Variants in IFT172 observed in about 807,000 individuals in gnomAD.
The protein encoded by IFT172 is intraflagellar transport 172, also known as intraflagellar transport protein 172 homolog.
A neutral mutation model predicts 248.9 loss-of-function variants in IFT172; 164 were observed. The observed-to-expected ratio is 0.66, with a 90% confidence interval of 0.58 to 0.75. The LOEUF (loss-of-function observed/expected upper bound fraction) is 0.75, where lower values mean the gene tolerates loss of function less well. Ranked by LOEUF, IFT172 falls within the 30% of genes least tolerant of loss-of-function variation. The probability of loss-of-function intolerance (pLI) is 0.00; values close to 1 mark genes in which losing one functional copy is unlikely to be tolerated. For synonymous variants in IFT172, 729 were observed against 791.6 expected (o/e 0.92, Z 1.33); for missense variants, 1,950 against 2,192.4 (o/e 0.89, Z 2.21).
In IFT172 at chr2:27,485,406, T is replaced by C. The variant is rs1280850403; in HGVS notation, c.137A>G (p.His46Arg). 6 of 1,614,078 alleles carry C rather than the reference T, an allele frequency of 3.7e-6. No homozygotes were observed. Among genetic ancestry groups the C allele is most frequent in the Admixed American group, 3.3e-5 (2 of 60,012 alleles). The change falls in exon 2 of 48, where the codon CAT (histidine) becomes CGT (arginine). Residue 46 changes from histidine to arginine, a missense_variant. By Grantham distance (29) the His-to-Arg change is conservative (BLOSUM62 0). Coordinates refer to ENST00000260570, the MANE Select transcript of IFT172 (RefSeq NM_015662.3). ...VDRVVLLYDEHGERRDKFSTK... is the reference protein window; with the variant it reads ...VDRVVLLYDERGERRDKFSTK... ...GGAGAATTTATCTCTCCGTTCTCCA[T>C]GTTCATCATACAGCAAGACCACTCG...
chr2:27,445,171 A>C lies in IFT172; in HGVS notation c.5069-66T>G. On this transcript the variant is annotated intron_variant, in intron 46 of 47. Coordinates refer to ENST00000260570, the MANE Select transcript of IFT172 (RefSeq NM_015662.3). This position sits in a 1 kb window ranked among gnomAD's most constrained non-coding sequence, Gnocchi z 4.4. ...GATTGAGGAGGGAAAAATGAGGAGC[A>C]GCCTGGGGGGTAGAAAGCACAGTCC... The C allele has an allele frequency of 6.2e-7, 1 of 1,603,028 alleles. No individual in the cohort carries two copies. The highest frequency in any genetic ancestry group is 8.5e-7 in the Non-Finnish European group (1 of 1,173,152).
At chr2:27,488,105 C>T (rs1171289707) in intron 1 of IFT172, among the ~76,000 whole-genome samples, 1 of 152,046 alleles carries the variant, frequency 6.6e-6, no homozygotes, top group Non-Finnish European at 1.5e-5. Context: ...ACTTCAGTGA[C>T]CCCAGCAGCT....
intron 1 of IFT172, among the ~76,000 whole-genome samples, chr2:27,487,351 A>AT (rs1223295638): frequency 2.0e-5 from 3 of 152,112 alleles, no homozygotes; most frequent in African/African-American, 4.8e-5. Flanking sequence ...ACCTCACTAG[A>AT]TTTTTTTATT....
intron 47 of IFT172, 63 bp from the exon 48 acceptor site, chr2:27,444,584 A>G: frequency 7.6e-7 from 1 of 1,307,992 alleles, no homozygotes; most frequent in South Asian, 1.2e-5. Context: ...AATCAGCTCC[A>G]TCGCAGGCTT....
Position 27,445,439 on chromosome 2 carries a change from C to T in IFT172, c.4925G>A (p.Arg1642Lys). The T allele has an allele frequency of 6.2e-7, 1 of 1,610,582 alleles. No individual in the cohort carries two copies. The highest frequency in any genetic ancestry group is 8.5e-7 in the Non-Finnish European group (1 of 1,178,584). The change falls in exon 46 of 48, where the codon AGA becomes AAA. Residue 1642 changes from arginine to lysine, a missense_variant. Arg to Lys is a conservative substitution (Grantham distance 26, BLOSUM62 2). Around this residue, in one of 3 missense-constraint regions of IFT172, gnomAD observed 620 missense variants for 699.0 expected, o/e 0.89. Transcript: ENST00000260570. The surrounding 1 kb of genome is among the most constrained non-coding windows in gnomAD (Gnocchi z 4.4). ...AAGCACCCAGTCTCGAACCTCTTCT[C>T]TCTCAGCCTCCTGGAAAGGACAAGA... ...PAKQHVPEAE[R>K]EEVRDWVLTV...
At position 27,462,698 on chromosome 2, in the gene IFT172, TA is replaced by T. The variant is rs765207471; in HGVS notation, c.2115+2del. ...TTCCATCCTGTCCCTCTTTTCCTATTACCTGTTCCAAAAAGATCATTTCAGC... is the reference window on the plus strand; with the variant it reads ...TTCCATCCTGTCCCTCTTTTCCTATTCCTGTTCCAAAAAGATCATTTCAGC... On this transcript the variant is annotated splice_donor_variant, in intron 20 of 47. Coordinates refer to ENST00000260570, the MANE Select transcript of IFT172 (RefSeq NM_015662.3). LOFTEE classifies it high-confidence loss of function. The T allele has an allele frequency of 6.2e-7, 1 of 1,612,412 alleles. No individual in the cohort carries two copies. The highest frequency in any genetic ancestry group is 8.5e-7 in the Non-Finnish European group (1 of 1,178,502).
intron 35 of IFT172, among the ~76,000 whole-genome samples, chr2:27,452,078 G>T (rs532218023): frequency 2.0e-5 from 3 of 152,064 alleles, no homozygotes; most frequent in Admixed American, 2.0e-4. Context: ...ATTATTCTGG[G>T]TGTTTCTATA....
chr2:27,478,504 T>C (rs1019402960), intron 10 of IFT172, among the ~76,000 whole-genome samples: 1 of 152,204 alleles, frequency 6.6e-6, no homozygotes, highest in Non-Finnish European at 1.5e-5. Context: ...TGACAGGGTC[T>C]CAGTATGTTG....
At chr2:27,449,126 A>G in intron 39 of IFT172, 95 bp from the exon 40 acceptor site, 7 of 1,068,980 alleles carry the variant, frequency 6.5e-6, no homozygotes, top group Non-Finnish European at 1.0e-5. Context: ...GAGGGGAAAA[A>G]GGGTGTACGC....
At chr2:27,479,940 C>A in intron 9 of IFT172, 86 bp downstream of exon 9, 1 of 1,494,928 alleles carries the variant, frequency 6.7e-7, no homozygotes, top group Non-Finnish European at 9.0e-7. Context: ...TCTATAGTGT[C>A]AGGGAACAGT....
rs866694173 is a variant in IFT172 at position 27,458,082 on chromosome 2, G to A, written c.2975+44C>T. 32 of 1,611,800 alleles carry A rather than the reference G, an allele frequency of 2.0e-5. No individual in the cohort carries two copies. The Middle Eastern group carries it at 2.3e-3, about 116-fold the overall frequency. On this transcript the variant is annotated intron_variant, in intron 27 of 47. Transcript: ENST00000260570. ...AGACCCCATCCCTCGTCCCAGCCTTGAAATCTCATCTCCCTCTACACCTCC... is the reference window on the plus strand; with the variant it reads ...AGACCCCATCCCTCGTCCCAGCCTTAAAATCTCATCTCCCTCTACACCTCC...
intron 35 of IFT172, chr2:27,453,116 A>C: frequency 1.8e-6 from 1 of 565,232 alleles, no homozygotes; most frequent in Non-Finnish European, 3.4e-6. Context: ...TAAATCATGC[A>C]CTTTAGTCTT....
At chr2:27,452,562 T>G (rs1456829482) in intron 35 of IFT172, among the ~76,000 whole-genome samples, 2 of 152,232 alleles carry the variant, frequency 1.3e-5, no homozygotes, top group African/African-American at 4.8e-5. Context: ...AGCACAAACC[T>G]AGATGGTATA....
chr2:27,454,292 C>G lies in IFT172; in HGVS notation c.3530+62G>C. Reference sequence around the variant, plus strand: ...AGGTTTGAATGAAGGTCAAGATAATCATGAAAGATCCTGGGACGGTGACTG... The same window carrying G: ...AGGTTTGAATGAAGGTCAAGATAATGATGAAAGATCCTGGGACGGTGACTG... On this transcript the variant is annotated intron_variant, in intron 32 of 47. Coordinates refer to ENST00000260570, the MANE Select transcript of IFT172 (RefSeq NM_015662.3). This position sits in a 1 kb window ranked among gnomAD's most constrained non-coding sequence, Gnocchi z 4.2. The G allele has an allele frequency of 6.2e-7, 1 of 1,610,142 alleles. No homozygotes were observed. The highest frequency in any genetic ancestry group is 1.7e-5 in the Admixed American group (1 of 60,014).
chr2:27,447,682 C>A, intron 41 of IFT172, 48 bp from the exon 42 acceptor site: 1 of 1,613,564 alleles, frequency 6.2e-7, no homozygotes, highest in Non-Finnish European at 8.5e-7. Flanking sequence ...AGAGGAGTGC[C>A]AGGGCCATAG....
chr2:27,457,951 C>G lies in IFT172; in HGVS notation c.3001G>C (p.Asp1001His), dbSNP rs1666300541. 6.2e-7 allele frequency: 1 copy of G among 1,614,146 alleles called. No homozygotes were observed. Among genetic ancestry groups the G allele is most frequent in the Non-Finnish European group, 8.5e-7 (1 of 1,180,020 alleles). ...ERLYVTVQEP[D>H]LAITMYKKHK... ...TTTTTGTACATGGTGATGGCAAGAT[C>G]AGGCTCTTGTACTGTCACATATAGC... The change falls in exon 28 of 48, where the codon GAT becomes CAT. Residue 1001 changes from aspartate (D) to histidine (H), a missense_variant. By Grantham distance (81) the Asp-to-His change is moderately conservative (BLOSUM62 -1). Around this residue, in one of 3 missense-constraint regions of IFT172, gnomAD observed 1,166 missense variants for 1,254.1 expected, o/e 0.93. Transcript: ENST00000260570.
At position 27,453,633 on chromosome 2, in the gene IFT172, G is replaced by A. The variant is rs747898460; in HGVS notation, c.3818C>T (p.Ala1273Val). 3.7e-6 allele frequency: 6 copies of A among 1,610,966 alleles called. No homozygotes were observed. The East Asian group carries it at 8.9e-5, about 24-fold the overall frequency. The change falls in exon 34 of 48, where the codon GCC becomes GTC. Residue 1273 changes from alanine (A) to valine (V), a missense_variant. Physicochemically the swap from Ala to Val is moderately conservative, Grantham distance 64 (BLOSUM62 0). This residue lies in a region of IFT172 where 620 missense variants were observed against 699.0 expected (regional missense o/e 0.89). Coordinates refer to ENST00000260570, the MANE Select transcript of IFT172 (RefSeq NM_015662.3). ...EYEREATKKG[A>V]RGVEGFVEQA... ...GCCTGGACCTCTGGCCTCATACCTG[G>A]CCCCCTTCTTAGTAGCTTCCCGCTC...
intron 16 of IFT172, among the ~76,000 whole-genome samples, chr2:27,469,312 G>C (rs1667373624): frequency 1.3e-5 from 2 of 152,140 alleles, no homozygotes; most frequent in Admixed American, 1.3e-4. Context: ...AGAATCACTT[G>C]AACCTGGGAG....
At position 27,459,528 on chromosome 2, in the gene IFT172, A is replaced by G; in HGVS notation, c.2643-6T>C. On this transcript the variant is annotated splice_region_variant and splice_polypyrimidine_tract_variant and intron_variant, in intron 24 of 47. Coordinates refer to ENST00000260570, the MANE Select transcript of IFT172 (RefSeq NM_015662.3). Reference sequence around the variant, plus strand: ...CAATTGCCTTAATGGAGCACCTGGCAAAGTTGGGAAAGATATAAATATGTA... The same window carrying G: ...CAATTGCCTTAATGGAGCACCTGGCGAAGTTGGGAAAGATATAAATATGTA... The G allele has an allele frequency of 1.2e-6, 2 of 1,613,942 alleles. No homozygotes were observed. Among genetic ancestry groups the G allele is most frequent in the Non-Finnish European group, 1.7e-6 (2 of 1,179,888 alleles).
Sources: gnomAD v4.1 joint callset for allele counts (sites outside exome capture counted in the v4.1 genomes callset) on GRCh38, gnomAD v4.1.1 for gene constraint, gnomAD v4.1.1 regional missense constraint, Gnocchi (gnomAD v3.1) non-coding constraint, MANE v1.5 for transcripts, NCBI Gene and HGNC (gene_info 2026-07-23, HGNC 2026-07-21) for gene names.